Variants in SORCS3 observed in about 807,000 individuals in gnomAD.
The protein encoded by SORCS3 is sortilin related VPS10 domain containing receptor 3, also known as VPS10 domain-containing receptor SorCS3.
Under a neutral mutation model 146.3 loss-of-function variants are expected in SORCS3, and 57 were observed. The ratio of observed to expected loss-of-function variants is 0.39; its 90% confidence interval spans 0.31 to 0.49. The LOEUF is 0.49. SORCS3 is among the 20% of genes least tolerant of loss of function. The pLI is 0.92. For missense variants in SORCS3, 1,341 were observed against 1,575.5 expected, an observed-to-expected ratio of 0.85 and a Z score of 2.52; for synonymous variants, 653 against 618.5, an observed-to-expected ratio of 1.06 and a Z score of -0.83.
chr10:104,965,981 T>A (rs893469071), intron 3 of SORCS3, among the ~76,000 whole-genome samples: 1 of 152,140 alleles, frequency 6.6e-6, no homozygotes, highest in East Asian at 1.9e-4. Context: ...TAAGCATACA[T>A]GCATATTGGT....
At chr10:105,253,997 G>A (rs1039085876) in intron 23 of SORCS3, among the ~76,000 whole-genome samples, 1 of 152,236 alleles carries the variant, frequency 6.6e-6, no homozygotes, top group African/African-American at 2.4e-5. Flanking sequence ...TAGCAGCTGT[G>A]ATATTAAGGC....
intron 8 of SORCS3, 91 bp from the exon 9 acceptor site, chr10:105,147,526 C>A (rs2056139614): frequency 8.7e-7 from 1 of 1,154,804 alleles, no homozygotes; most frequent in Non-Finnish European, 1.2e-6. Flanking sequence ...TTTTTCTCAG[C>A]AATTTCATAA....
At chr10:105,234,686 TAC>T (rs1481007210) in intron 20 of SORCS3, among the ~76,000 whole-genome samples, 3 of 152,064 alleles carry the variant, frequency 2.0e-5, no homozygotes, top group Non-Finnish European at 4.4e-5. Flanking sequence ...AAATTTCAGG[TAC>T]AGTGTTTTTG....
chr10:104,873,249 T>C (rs1226544281), intron 2 of SORCS3, among the ~76,000 whole-genome samples: 2 of 152,348 alleles, frequency 1.3e-5, no homozygotes, highest in Non-Finnish European at 2.9e-5. Flanking sequence ...CCAGGACCCA[T>C]TTTTCCTCAG....
At chr10:105,213,212 C>T (rs1564786265) in intron 17 of SORCS3, among the ~76,000 whole-genome samples, 2 of 152,130 alleles carry the variant, frequency 1.3e-5, no homozygotes, top group Non-Finnish European at 1.5e-5. Flanking sequence ...TGATCTGAGA[C>T]AGTAATGACA....
At chr10:104,696,682 A>ATATAAT (rs2016216477) in intron 1 of SORCS3, among the ~76,000 whole-genome samples, 1 of 11,646 alleles carries the variant, frequency 8.6e-5, no homozygotes, top group Non-Finnish European at 1.6e-4. Flanking sequence ...TAACATATAT[A>ATATAAT]ATATATAATA....
intron 1 of SORCS3, among the ~76,000 whole-genome samples, chr10:104,806,337 G>A (rs1227602132): frequency 6.6e-6 from 1 of 152,146 alleles, no homozygotes; most frequent in African/African-American, 2.4e-5. Context: ...ATGGATAGTG[G>A]CTTCAAAAAA....
intron 1 of SORCS3, among the ~76,000 whole-genome samples, chr10:104,770,942 T>C (rs1306459307): frequency 1.3e-5 from 2 of 152,226 alleles, no homozygotes; most frequent in African/African-American, 4.8e-5. Context: ...ATAAAATTAT[T>C]GTCATCTTTA....
chr10:105,002,961 A>T (rs2055071104), intron 4 of SORCS3, among the ~76,000 whole-genome samples: 2 of 152,206 alleles, frequency 1.3e-5, no homozygotes, highest in Admixed American at 6.5e-5. Flanking sequence ...TGTAATACTG[A>T]CAACTACCCT....
intron 4 of SORCS3, among the ~76,000 whole-genome samples, chr10:104,998,977 G>A (rs1374354339): frequency 6.6e-6 from 1 of 152,138 alleles, no homozygotes; most frequent in African/African-American, 2.4e-5. Context: ...CACAAAGGGG[G>A]AAGTTATGAT....
intron 1 of SORCS3, among the ~76,000 whole-genome samples, chr10:104,751,925 ATATATAT>A (rs1564675395): frequency 4.4e-3 from 41 of 9,396 alleles, no homozygotes; most frequent in South Asian, 7.4e-3. Flanking sequence ...AATAGGAAGC[ATATATAT>A]ATATATATAT....
chr10:104,834,318 T>A (rs1482068978), intron 1 of SORCS3, among the ~76,000 whole-genome samples: 1 of 152,326 alleles, frequency 6.6e-6, no homozygotes, highest in African/African-American at 2.4e-5. Flanking sequence ...CAAGGCCCAG[T>A]GAGATCTCAG....
At chr10:105,226,267 C>T (rs991242956) in intron 20 of SORCS3, among the ~76,000 whole-genome samples, 26 of 151,896 alleles carry the variant, frequency 1.7e-4, no homozygotes, top group African/African-American at 3.6e-4. Flanking sequence ...TTATCATTAA[C>T]GATGTTAATT....
chr10:105,183,811 ACTGGCAACAGCCT>A (rs2056458711), intron 14 of SORCS3, among the ~76,000 whole-genome samples: 4 of 67,856 alleles, frequency 5.9e-5, no homozygotes, highest in Non-Finnish European at 3.4e-5. Flanking sequence ...TATACTGGGG[ACTGGCAACAGCCT>A]GGAAGGAAAA....
At chr10:105,061,536 C>T (rs763651505) in intron 5 of SORCS3, among the ~76,000 whole-genome samples, 1 of 151,704 alleles carries the variant, frequency 6.6e-6, no homozygotes. Context: ...ACCTCGTGAT[C>T]CACCTGCCTC....
At chr10:104,986,278 C>T (rs2054961945) in intron 4 of SORCS3, among the ~76,000 whole-genome samples, 1 of 152,320 alleles carries the variant, frequency 6.6e-6, no homozygotes, top group Non-Finnish European at 1.5e-5. Context: ...GCTTCTGCTA[C>T]TTCAAACTTT....
At chr10:104,890,270 T>C (rs138082184) in intron 2 of SORCS3, among the ~76,000 whole-genome samples, 240 of 152,214 alleles carry the variant, frequency 1.6e-3, no homozygotes, top group African/African-American at 5.7e-3. Flanking sequence ...CCCCCACACC[T>C]CCTTCTCCTT....
rs188954668 is a variant in SORCS3, at chr10:105,030,791, C to T, written c.955-12264C>T. ...TATTTTTAGTAGAGTTGAGGTTTTACCATGTTGGTCAGGCTGGTCTTGAAC... is the reference window on the plus strand; with the variant it reads ...TATTTTTAGTAGAGTTGAGGTTTTATCATGTTGGTCAGGCTGGTCTTGAAC... On this transcript the variant is annotated intron_variant, in intron 4 of 26. Transcript: ENST00000369701. Among the ~76,000 whole-genome samples, 594 of 151,848 alleles carry T rather than the reference C, an allele frequency of 3.9e-3. 3 individuals carry two copies. Among genetic ancestry groups the T allele is most frequent in the Non-Finnish European group, 4.4e-3 (302 of 67,938 alleles).
chr10:104,980,922 T>C (rs927611514), intron 4 of SORCS3, among the ~76,000 whole-genome samples: 1 of 152,194 alleles, frequency 6.6e-6, no homozygotes, highest in Non-Finnish European at 1.5e-5. Context: ...CATCACACTC[T>C]GCTAGTGATA....
Sources: allele counts gnomAD v4.1 joint callset (sites outside exome capture counted in the v4.1 genomes callset), GRCh38; gene constraint gnomAD v4.1.1; transcripts MANE v1.5; gene names NCBI Gene and HGNC (gene_info 2026-07-23, HGNC 2026-07-21).